The following SYN3 variants were observed in gnomAD, a reference collection of about 807,000 sequenced individuals.
The protein encoded by SYN3 is synapsin-3.
In SYN3, 35 loss-of-function variants were observed where a neutral mutation model predicts 65.8. The ratio of observed to expected loss-of-function variants is 0.53; its 90% CI spans 0.41 to 0.70. The LOEUF (loss-of-function observed/expected upper bound fraction) is 0.70. Among genes scored for constraint, SYN3 ranks in the 30% least tolerant of loss-of-function variants. The probability of loss-of-function intolerance (pLI) is 0.00; values close to 1 mark genes in which losing one functional copy is unlikely to be tolerated. For missense variants in SYN3, 680 were observed against 749.0 expected (o/e 0.91, Z 1.08); for synonymous variants, 270 against 292.9 (o/e 0.92, Z 0.80).
chr22:32,803,035 T>C lies in SYN3; in HGVS notation c.711+61880A>G, dbSNP rs554540066. Among the ~76,000 whole-genome samples the C allele has an allele frequency of 2.5e-3, 375 of 152,180 alleles. 3 individuals are homozygous for C. Among genetic ancestry groups the C allele is most frequent in the African/African-American group, 8.4e-3 (350 of 41,516 alleles). ...CCGAGAGCATCCTGGGAGGCTTGTC[T>C]GGGAGTGTTTGGGACACTTGTGTTT... On this transcript the variant is annotated intron_variant, in intron 6 of 13. Coordinates refer to ENST00000358763, the MANE Select transcript of SYN3 (RefSeq NM_003490.4).
chr22:33,011,408 A>C (rs759780654), intron 1 of SYN3, among the ~76,000 whole-genome samples: 2 of 152,210 alleles, frequency 1.3e-5, no homozygotes, highest in Non-Finnish European at 2.9e-5. Flanking sequence ...CCAAACTTGC[A>C]TTCCTGGGAT....
rs886343017 is a variant in SYN3 at position 32,509,266 on chromosome 22, G to A, written c.*4426C>T. ...TTGTGAACAAATCAAATAGGTCTTT[G>A]TTGTGTTTCAGCTTCCCCGAGTCAG... is the stretch of plus-strand genomic sequence containing the variant. On this transcript the variant is annotated 3_prime_UTR_variant, in exon 14 of 14. Coordinates refer to ENST00000358763, the MANE Select transcript of SYN3 (RefSeq NM_003490.4). Among the ~76,000 whole-genome samples, 1 of 152,156 alleles carries A rather than the reference G, an allele frequency of 6.6e-6. No individual in the cohort carries two copies. The highest frequency in any genetic ancestry group is 2.4e-5 in the African/African-American group (1 of 41,430).
At chr22:32,661,673 C>A (rs899531339) in intron 6 of SYN3, among the ~76,000 whole-genome samples, 1 of 152,146 alleles carries the variant, frequency 6.6e-6, no homozygotes, top group Non-Finnish European at 1.5e-5. Context: ...GGGGACCTGT[C>A]GCGGTCAAGC....
intron 6 of SYN3, among the ~76,000 whole-genome samples, chr22:32,775,433 C>A (rs987666146): frequency 6.6e-6 from 1 of 152,178 alleles, no homozygotes; most frequent in Non-Finnish European, 1.5e-5. Context: ...GAGTGGTGAC[C>A]TGGTCCTCCC....
intron 6 of SYN3, among the ~76,000 whole-genome samples, chr22:32,695,546 G>A (rs1235543563): frequency 6.6e-6 from 1 of 152,296 alleles, no homozygotes; most frequent in East Asian, 1.9e-4. Context: ...GCATTCCCAT[G>A]AGTATGAGGT....
intron 6 of SYN3, among the ~76,000 whole-genome samples, chr22:32,836,445 T>C (rs2047731648): frequency 6.6e-6 from 1 of 152,212 alleles, no homozygotes; most frequent in Non-Finnish European, 1.5e-5. Context: ...AGTTCTGCCA[T>C]TACCCACTTT....
intron 1 of SYN3, among the ~76,000 whole-genome samples, chr22:33,047,863 CAAAA>C (rs58025351): frequency 9.3e-5 from 5 of 53,550 alleles, no homozygotes; most frequent in Non-Finnish European, 2.1e-4. Flanking sequence ...TTTTCATGTG[CAAAA>C]AAAAAAAAAA....
At chr22:32,775,701 C>A (rs2045891173) in intron 6 of SYN3, among the ~76,000 whole-genome samples, 1 of 66,602 alleles carries the variant, frequency 1.5e-5, no homozygotes, top group Non-Finnish European at 2.9e-5. Flanking sequence ...CATTCTGCCA[C>A]TTCCTGGCCC....
At chr22:32,689,438 G>A (rs370973534) in intron 6 of SYN3, among the ~76,000 whole-genome samples, 105 of 152,312 alleles carry the variant, frequency 6.9e-4, no homozygotes, top group African/African-American at 2.2e-3. Context: ...GTAAGATACA[G>A]GAAGCCATTT....
rs958708890 is a variant in SYN3 at position 32,511,083 on chromosome 22, T to C, written c.*2609A>G. Among the ~76,000 whole-genome samples the C allele has an allele frequency of 2.6e-5, 4 of 152,118 alleles. No homozygotes were observed. The highest frequency in any genetic ancestry group is 7.2e-5 in the African/African-American group (3 of 41,396). The stretch of plus-strand genomic sequence containing the variant: ...GTTAATCAATATTTATACTCTCTTC[T>C]GTTAGATTTCTTTTAACAGAATAAC... On this transcript the variant is annotated 3_prime_UTR_variant, in exon 14 of 14. Transcript: ENST00000358763.
intron 6 of SYN3, among the ~76,000 whole-genome samples, chr22:32,719,761 T>C (rs558195884): frequency 6.6e-6 from 1 of 152,304 alleles, no homozygotes; most frequent in East Asian, 1.9e-4. Context: ...GGTGGGAGGA[T>C]GGCTTTAGCC....
chr22:32,538,019 C>A lies in SYN3; in HGVS notation c.992+17G>T. ...ACTATGGCCAGTGCCTCTCCCTACA[C>A]CTCCTTTGTCTCTTACCTCTCTGTC... is the stretch of plus-strand genomic sequence containing the variant. On this transcript the variant is annotated intron_variant, in intron 9 of 13. Transcript: ENST00000358763. 1 of 1,613,196 alleles carries A rather than the reference C, an allele frequency of 6.2e-7. No homozygotes were observed. Among genetic ancestry groups the A allele is most frequent in the Non-Finnish European group, 8.5e-7 (1 of 1,179,440 alleles).
At chr22:32,732,244 T>G (rs1425123433) in intron 6 of SYN3, among the ~76,000 whole-genome samples, 1 of 152,192 alleles carries the variant, frequency 6.6e-6, no homozygotes, top group Non-Finnish European at 1.5e-5. Context: ...TCTCAAAGCT[T>G]CATCCCCAGC....
intron 6 of SYN3, among the ~76,000 whole-genome samples, chr22:32,856,366 G>A (rs1454125708): frequency 1.1e-4 from 16 of 152,090 alleles, no homozygotes; most frequent in Admixed American, 1.0e-3. Flanking sequence ...GCACCAACCT[G>A]GCTAGTCAAG....
chr22:32,957,145 C>G (rs1221790339), intron 3 of SYN3, among the ~76,000 whole-genome samples: 1 of 152,190 alleles, frequency 6.6e-6, no homozygotes, highest in Non-Finnish European at 1.5e-5. Flanking sequence ...GGGGCATAAT[C>G]TGATTTACAA....
chr22:33,054,051 G>T (rs1396123933), intron 1 of SYN3, among the ~76,000 whole-genome samples: 1 of 152,156 alleles, frequency 6.6e-6, no homozygotes, highest in African/African-American at 2.4e-5. Context: ...GAGGGGGTTG[G>T]TGTCCTTATC....
chr22:32,788,444 G>A (rs1194656533), intron 6 of SYN3, among the ~76,000 whole-genome samples: 2 of 152,116 alleles, frequency 1.3e-5, no homozygotes, highest in Non-Finnish European at 2.9e-5. Context: ...AGGAGGCTGA[G>A]GCAGGAGAAT....
intron 1 of SYN3, among the ~76,000 whole-genome samples, chr22:33,008,741 C>G (rs930593714): frequency 1.3e-5 from 2 of 150,096 alleles, no homozygotes; most frequent in African/African-American, 4.8e-5. Flanking sequence ...AGGCAAAACT[C>G]TCTCTCTACT....
chr22:33,000,720 A>C (rs2053036146), intron 2 of SYN3, among the ~76,000 whole-genome samples: 1 of 152,116 alleles, frequency 6.6e-6, no homozygotes, highest in South Asian at 2.1e-4. Flanking sequence ...TTATCATCTG[A>C]AAGGGGAAAG....
Sources: allele counts gnomAD v4.1 joint callset (sites outside exome capture counted in the v4.1 genomes callset), GRCh38; gene constraint gnomAD v4.1.1; transcripts MANE v1.5; gene names NCBI Gene and HGNC (gene_info 2026-07-23, HGNC 2026-07-21).